The following OR4Q3 variants were observed in gnomAD, a reference collection of about 807,000 sequenced individuals.
OR4Q3 encodes the protein olfactory receptor family 4 subfamily Q member 3.
OR4Q3 carries 17 observed loss-of-function variants against 18.8 expected under a neutral mutation model. The observed-to-expected ratio is 0.91, with a 90% CI of 0.62 to 1.36. The LOEUF is 1.36. Ranked by LOEUF, OR4Q3 falls within the 40% of genes most tolerant of loss-of-function variation. The pLI is 0.00. For synonymous variants in OR4Q3, 158 were observed against 145.8 expected, an observed-to-expected ratio of 1.08 and a Z score of -0.60; for missense variants, 378 against 373.4, an observed-to-expected ratio of 1.01 and a Z score of -0.10.
downstream of OR4Q3, among the ~76,000 whole-genome samples, chr14:19,749,825 T>C: frequency 6.6e-6 from 1 of 151,260 alleles, no homozygotes; most frequent in Non-Finnish European, 1.5e-5. Flanking sequence ...TCTTAGAGTA[T>C]TTATCCCAAT....
intron 1 of OR4Q3, among the ~76,000 whole-genome samples, chr14:19,745,145 T>C: frequency 6.6e-6 from 1 of 152,306 alleles, no homozygotes; most frequent in South Asian, 2.1e-4. Context: ...ATTGTAAAGA[T>C]TTTTATATCA....
At chr14:19,749,515 C>T, downstream of OR4Q3, 1 of 147,166 alleles carries the variant, frequency 6.8e-6, no homozygotes, top group Admixed American at 7.0e-5. Flanking sequence ...AGGAGAATCA[C>T]TTGAACCCAG....
At chr14:19,743,755 C>T (rs1437327794) in intron 1 of OR4Q3, 84 bp downstream of exon 1, 1 of 152,176 alleles carries the variant, frequency 6.6e-6, no homozygotes, top group Non-Finnish European at 1.5e-5. Context: ...TTACTGTTGT[C>T]CTCACTCTTT....
exon 2 of OR4Q3, chr14:19,748,240 A>G: frequency 1.2e-6 from 2 of 1,613,956 alleles, no homozygotes; most frequent in East Asian, 2.2e-5. Flanking sequence ...TGGATAAGAT[A>G]TTCTCCTTGT....
downstream of OR4Q3, among the ~76,000 whole-genome samples, chr14:19,749,747 CTCTT>C: frequency 6.8e-6 from 1 of 147,372 alleles, no homozygotes; most frequent in Middle Eastern, 3.2e-3. Context: ...CTTTCTCTCT[CTCTT>C]TCTTCTTTCT....
At chr14:19,746,781 A>G in intron 1 of OR4Q3, among the ~76,000 whole-genome samples, 1 of 152,242 alleles carries the variant, frequency 6.6e-6, no homozygotes, top group Non-Finnish European at 1.5e-5. Flanking sequence ...TTTGTACAAC[A>G]TAGCAATTTG....
At position 19,745,653 on chromosome 14, in the gene OR4Q3, C is replaced by A; in HGVS notation, c.3-1753C>A. On this transcript the variant is annotated intron_variant, in intron 1 of 1. Transcript: ENST00000642117. ...GATCAATAATTTTAATGAGACTTGA[C>A]CCCTGTTAATTATACATTTTAGATA... 8.5e-5 allele frequency among the ~76,000 whole-genome samples: 13 copies of A among 152,240 alleles called. No individual in the cohort carries two copies. The South Asian group carries it at 2.7e-3, about 32-fold the overall frequency.
chr14:19,748,909 GT>G, exon 2 of OR4Q3: 2 of 154,640 alleles, frequency 1.3e-5, no homozygotes, highest in Non-Finnish European at 2.9e-5. Flanking sequence ...AGTGTCCCAA[GT>G]TTTAGAAATG....
chr14:19,747,513 T>C, exon 2 of OR4Q3: 1 of 1,613,584 alleles, frequency 6.2e-7, no homozygotes, highest in Non-Finnish European at 8.5e-7. Flanking sequence ...TTTCTCTTCT[T>C]ACTATTTTTG....
At chr14:19,745,937 A>T in intron 1 of OR4Q3, among the ~76,000 whole-genome samples, 19,179 of 149,442 alleles carry the variant, frequency 0.13, 563 homozygotes, top group South Asian at 0.23. Context: ...GATGAAGAGG[A>T]TGGTCACAAT....
At chr14:19,744,302 G>A (rs1255226933) in intron 1 of OR4Q3, among the ~76,000 whole-genome samples, 1 of 151,038 alleles carries the variant, frequency 6.6e-6, no homozygotes, top group Admixed American at 6.6e-5. Context: ...CTATTGTTGA[G>A]GTAGTCAAAT....
exon 2 of OR4Q3, chr14:19,748,400 A>G: frequency 2.7e-6 from 4 of 1,508,858 alleles, no homozygotes; most frequent in Non-Finnish European, 3.6e-6. Context: ...TTTGAAAAAC[A>G]CACTCTTTCT....
chr14:19,749,910 T>A, downstream of OR4Q3, among the ~76,000 whole-genome samples: 14 of 117,934 alleles, frequency 1.2e-4, no homozygotes, highest in African/African-American at 3.9e-4. Context: ...TTCTTTCTTT[T>A]TTCTTTCTTT....
chr14:19,749,804 TTC>T, downstream of OR4Q3, among the ~76,000 whole-genome samples: 83,897 of 139,870 alleles, frequency 0.6, 20,158 homozygotes, highest in East Asian at 0.76. Flanking sequence ...TTCTCTCTCT[TTC>T]TCTCTATTTC....
At position 19,747,388 on chromosome 14, in the gene OR4Q3, G is replaced by C; in HGVS notation, c.3-18G>C. On this transcript the variant is annotated intron_variant, in intron 1 of 1. Transcript: ENST00000642117. ...ATCTACCTTAAATCTCCCTTGTTCT[G>C]ATTTAATTCTTCTTTAGGTCACTTG... 7.4e-7 allele frequency: 1 copy of C among 1,347,240 alleles called. No homozygotes were observed. Among genetic ancestry groups the C allele is most frequent in the Non-Finnish European group, 1.0e-6 (1 of 964,386 alleles). The allele number at this position is 1,347,240 out of a possible 1,614,324, so 83.5% of individuals were successfully genotyped here. A position where few individuals can be genotyped will look rare whatever the true frequency, so the allele number is the denominator to read the frequency against.
chr14:19,746,804 C>G, intron 1 of OR4Q3, among the ~76,000 whole-genome samples: 1 of 152,222 alleles, frequency 6.6e-6, no homozygotes. Flanking sequence ...GTTTACAAAA[C>G]ATTCTTCCTT....
At chr14:19,748,148 T>C in exon 2 of OR4Q3, 2 of 1,614,086 alleles carry the variant, frequency 1.2e-6, no homozygotes, top group Admixed American at 1.7e-5. Context: ...CTTCTCTACC[T>C]GTGCTTCTCA....
chr14:19,750,303 A>T, downstream of OR4Q3, among the ~76,000 whole-genome samples: 2 of 152,172 alleles, frequency 1.3e-5, no homozygotes, highest in Non-Finnish European at 2.9e-5. Flanking sequence ...TAATTTCTAT[A>T]ATACCTGTAT....
Position 19,745,612 on chromosome 14 carries a change from A to G in OR4Q3, c.3-1794A>G. On this transcript the variant is annotated intron_variant, in intron 1 of 1. Transcript: ENST00000642117. Reference sequence around the variant, plus strand: ...CTCAGACTTTTCCAGTTTTCCCAAGATTATTTTAAAAATTAGATCAATAAT... The same window carrying G: ...CTCAGACTTTTCCAGTTTTCCCAAGGTTATTTTAAAAATTAGATCAATAAT... Among the ~76,000 whole-genome samples the G allele has an allele frequency of 3.9e-5, 6 of 152,272 alleles. No homozygotes were observed. The East Asian group carries it at 9.6e-4, about 24-fold the overall frequency.
Sources: allele counts gnomAD v4.1 joint callset (sites outside exome capture counted in the v4.1 genomes callset), GRCh38; gene constraint gnomAD v4.1.1; transcripts MANE v1.5; gene names NCBI Gene and HGNC (gene_info 2026-07-23, HGNC 2026-07-21).